The following COX5A variants were observed in gnomAD, a reference collection of about 807,000 sequenced individuals.
COX5A encodes cytochrome c oxidase subunit 5A.
In COX5A, 6 loss-of-function variants were observed where a neutral mutation model predicts 16.1. The ratio of observed to expected loss-of-function variants is 0.37; its 90% confidence interval spans 0.20 to 0.73. The LOEUF is 0.73. Ranked by LOEUF, COX5A falls within the 30% of genes least tolerant of loss-of-function variation. The probability of loss-of-function intolerance (pLI) is 0.50; values close to 1 mark genes in which losing one functional copy is unlikely to be tolerated. For synonymous variants in COX5A, 73 were observed against 73.8 expected, an observed-to-expected ratio of 0.99 and a Z score of 0.06; for missense variants, 159 against 194.9, an observed-to-expected ratio of 0.82 and a Z score of 1.10.
intron 4 of COX5A, 110 bp from the exon 5 acceptor site, chr15:74,920,552 C>T: frequency 1.6e-6 from 1 of 624,850 alleles, no homozygotes; most frequent in South Asian, 1.9e-5. Context: ...CTCTCTGTAC[C>T]CTTTACTGCT....
chr15:74,930,104 A>C (rs2065360228), intron 1 of COX5A, among the ~76,000 whole-genome samples: 4 of 145,234 alleles, frequency 2.8e-5, no homozygotes, highest in Admixed American at 1.4e-4. Flanking sequence ...AAACAAAAAC[A>C]AAAACAAAAA....
At chr15:74,925,080 TG>T in intron 3 of COX5A, among the ~76,000 whole-genome samples, 1 of 152,220 alleles carries the variant, frequency 6.6e-6, no homozygotes, top group South Asian at 2.1e-4. Flanking sequence ...CCCAGCACTT[TG>T]GGAGGCTGAG....
rs1373584697 is a variant in COX5A at position 74,923,732 on chromosome 15, G to A, written c.378C>T (p.Val126=). The change falls in exon 4 of 5, where the codon GTC becomes GTT. Residue 126 remains valine, a synonymous_variant. Transcript: ENST00000322347. ...TTAAAGTTGGTCTAAGTTCCTGGAT[G>A]ACATAGGGGTAGATTTCCTTATGAG... The part of the protein sequence containing the change: ...AGPHKEIYPY[V]IQELRPTLNE... The A allele has an allele frequency of 6.2e-7, 1 of 1,611,234 alleles. No individual in the cohort carries two copies. Among genetic ancestry groups the A allele is most frequent in the African/African-American group, 1.3e-5 (1 of 74,838 alleles).
chr15:74,930,607 C>T (rs1353275363), intron 1 of COX5A, among the ~76,000 whole-genome samples: 2 of 150,752 alleles, frequency 1.3e-5, no homozygotes, highest in Non-Finnish European at 3.0e-5. Context: ...TCTTTGGGCT[C>T]AAGCATTCCT....
Position 74,926,778 on chromosome 15 carries a change from T to G in COX5A, c.327A>C (p.Leu109=), listed in dbSNP as rs1262293236. ...LNDFASTVRI[L]EVVKDKAGPH... ...TTATTTCACTGACCTTAACAACCTC[T>G]AGGATACGAACTGTACTAGCAAAAT... The change falls in exon 3 of 5, where the codon CTA becomes CTC. Residue 109 remains leucine, a synonymous_variant. Transcript: ENST00000322347. 10 of 1,611,710 alleles carry G rather than the reference T, an allele frequency of 6.2e-6. No homozygotes were observed. Among genetic ancestry groups the G allele is most frequent in the East Asian group, 2.2e-5 (1 of 44,786 alleles).
chr15:74,920,686 A>AT (rs949395243), intron 4 of COX5A, among the ~76,000 whole-genome samples: 13 of 151,974 alleles, frequency 8.6e-5, no homozygotes, highest in Admixed American at 7.9e-4. Context: ...AACAAAAGAA[A>AT]TTTTTTTTGG....
At chr15:74,937,818 A>C in intron 1 of COX5A, 97 bp downstream of exon 1, 1 of 747,320 alleles carries the variant, frequency 1.3e-6, no homozygotes, top group Non-Finnish European at 1.8e-6. Context: ...GGGTAGGGCA[A>C]GGGCTAGGCC....
chr15:74,921,751 CAA>C (rs1414581135), intron 4 of COX5A, among the ~76,000 whole-genome samples: 1 of 152,138 alleles, frequency 6.6e-6, no homozygotes, highest in Non-Finnish European at 1.5e-5. Context: ...AAAAAACAAA[CAA>C]GAGCTTCAAA....
In COX5A at chr15:74,923,674, C is replaced by T. The variant is rs1265430654; in HGVS notation, c.436G>A (p.Gly146Ser). 1 of 1,610,290 alleles carries T rather than the reference C, an allele frequency of 6.2e-7. No homozygotes were observed. The highest frequency in any genetic ancestry group is 8.5e-7 in the Non-Finnish European group (1 of 1,178,356). ...ELGISTPEEL[G>S]LDKV ...CATGCGGTTTACACTTTGTCAAGGCCCAGTTCCTCCGGAGTGGAGATTCCC... is the reference window on the plus strand; with the variant it reads ...CATGCGGTTTACACTTTGTCAAGGCTCAGTTCCTCCGGAGTGGAGATTCCC... The change falls in exon 4 of 5, where the codon GGC (glycine) becomes AGC (serine). Residue 146 changes from glycine (G) to serine (S), a missense_variant. Physicochemically the swap from Gly to Ser is moderately conservative, Grantham distance 56. Coordinates refer to ENST00000322347, the MANE Select transcript of COX5A (RefSeq NM_004255.4).
chr15:74,934,140 T>G (rs1466148381), intron 1 of COX5A, among the ~76,000 whole-genome samples: 1 of 152,080 alleles, frequency 6.6e-6, no homozygotes, highest in Non-Finnish European at 1.5e-5. Context: ...TCCCAGCTAC[T>G]CAGGAGGCTG....
At chr15:74,927,385 C>CT (rs903074507) in intron 2 of COX5A, among the ~76,000 whole-genome samples, 1 of 152,048 alleles carries the variant, frequency 6.6e-6, no homozygotes, top group Non-Finnish European at 1.5e-5. Context: ...GCATCTTGGC[C>CT]TGGCTGGCCT....
chr15:74,936,934 CTTT>C (rs2065393475), intron 1 of COX5A, among the ~76,000 whole-genome samples: 1 of 152,014 alleles, frequency 6.6e-6, no homozygotes, highest in African/African-American at 2.4e-5. Context: ...CGGCTGAGTT[CTTT>C]TTTTAATTTT....
intron 1 of COX5A, among the ~76,000 whole-genome samples, chr15:74,935,650 G>T (rs2065386764): frequency 6.6e-6 from 1 of 150,816 alleles, no homozygotes. Flanking sequence ...TTTTTGAGAT[G>T]GCATGATTTC....
At chr15:74,931,785 C>G (rs1478687076) in intron 1 of COX5A, among the ~76,000 whole-genome samples, 1 of 152,066 alleles carries the variant, frequency 6.6e-6, no homozygotes, top group Non-Finnish European at 1.5e-5. Flanking sequence ...AACTCCTGAC[C>G]TCCAGTGATC....
intron 1 of COX5A, among the ~76,000 whole-genome samples, chr15:74,932,633 T>A (rs565721946): frequency 1.3e-5 from 2 of 151,532 alleles, no homozygotes; most frequent in Admixed American, 1.3e-4. Context: ...ATTACCTACA[T>A]AATCCAAGCC....
intron 1 of COX5A, among the ~76,000 whole-genome samples, chr15:74,930,437 TAAAC>T (rs1374857528): frequency 4.1e-5 from 4 of 98,526 alleles, no homozygotes; most frequent in African/African-American, 1.6e-4. Context: ...AAAAAGACAA[TAAAC>T]AACAACAACA....
chr15:74,923,802 C>T (rs1439237489), intron 3 of COX5A, 32 bp from the exon 4 acceptor site: 5 of 1,312,652 alleles, frequency 3.8e-6, no homozygotes, highest in Non-Finnish European at 5.5e-6. Flanking sequence ...ACATTTAACT[C>T]TCTCAAAAGC....
At position 74,929,362 on chromosome 15, in the gene COX5A, C is replaced by A. The variant is rs900021525; in HGVS notation, c.101-130G>T. On this transcript the variant is annotated intron_variant, in intron 1 of 4. Coordinates refer to ENST00000322347, the MANE Select transcript of COX5A (RefSeq NM_004255.4). ...AATATTGAACAGGTCAAATGAAATA[C>A]ATCGTATACATTGATACAGAAAGAT... 55 of 642,842 alleles carry A rather than the reference C, an allele frequency of 8.6e-5. No individual in the cohort carries two copies. In the East Asian group the frequency reaches 1.5e-3, roughly 17 times the overall value. The allele number at this position is 642,842 out of a possible 1,614,324, so 39.8% of individuals were successfully genotyped here.
At chr15:74,926,510 AAGAG>A (rs376285742) in intron 3 of COX5A, among the ~76,000 whole-genome samples, 1,549 of 151,932 alleles carry the variant, frequency 0.01, 30 homozygotes, top group African/African-American at 0.036. Context: ...AAAAAAAAAA[AAGAG>A]AGAAAAAAGA....
Sources: allele counts gnomAD v4.1 joint callset (sites outside exome capture counted in the v4.1 genomes callset), GRCh38; gene constraint gnomAD v4.1.1; transcripts MANE v1.5; gene names NCBI Gene and HGNC (gene_info 2026-07-23, HGNC 2026-07-21).